RGS6: variants seen among roughly 807,000 people sequenced by gnomAD.
RGS6 encodes the protein regulator of G-protein signaling 6.
Under a neutral mutation model 78.5 loss-of-function variants are expected in RGS6, and 30 were observed. The observed-to-expected ratio is 0.38, with a 90% confidence interval of 0.29 to 0.52. The LOEUF (loss-of-function observed/expected upper bound fraction) is 0.52. Among genes scored for constraint, RGS6 ranks in the 20% least tolerant of loss-of-function variants. The pLI, the probability that RGS6 is intolerant of heterozygous loss-of-function variation, is 0.85. For synonymous variants in RGS6, 206 were observed against 206.0 expected, an observed-to-expected ratio of 1.00 and a Z score of 0.00; for missense variants, 495 against 609.7, an observed-to-expected ratio of 0.81 and a Z score of 1.98.
chr14:72,162,917 A>G (rs1192989221), intron 2 of RGS6, among the ~76,000 whole-genome samples: 2 of 152,242 alleles, frequency 1.3e-5, no homozygotes, highest in Non-Finnish European at 2.9e-5. Context: ...ATGGAACTGG[A>G]GACCATTATT....
chr14:72,254,045 A>G (rs2056501068), intron 2 of RGS6, among the ~76,000 whole-genome samples: 1 of 152,162 alleles, frequency 6.6e-6, no homozygotes, highest in Non-Finnish European at 1.5e-5. Flanking sequence ...TGATGTTTTG[A>G]TTATCATGCA....
At chr14:71,886,391 G>A in the RGS6 span, among the ~76,000 whole-genome samples, 30 of 152,312 alleles carry the variant, frequency 2.0e-4, no homozygotes, top group African/African-American at 6.7e-4. Flanking sequence ...TTGCACAGTA[G>A]GCAATCAATT....
intron 2 of RGS6, among the ~76,000 whole-genome samples, chr14:72,315,718 C>T (rs2069970213): frequency 6.6e-6 from 1 of 152,136 alleles, no homozygotes; most frequent in Admixed American, 6.5e-5. Flanking sequence ...CTCGCCCAGC[C>T]CTGTAGGGTT....
chr14:72,515,244 T>TCCCTCCCTTTCTCTC (rs2153455336), intron 14 of RGS6, among the ~76,000 whole-genome samples: 1 of 149,692 alleles, frequency 6.7e-6, no homozygotes, highest in Non-Finnish European at 1.5e-5. Flanking sequence ...TCCCCCTCCT[T>TCCCTCCCTTTCTCTC]CCCTCCCTTT....
At chr14:71,907,886 A>AC in the RGS6 span, among the ~76,000 whole-genome samples, 1 of 152,190 alleles carries the variant, frequency 6.6e-6, no homozygotes, top group African/African-American at 2.4e-5. Flanking sequence ...AAGGTAGCAT[A>AC]CCCATTGGTG....
chr14:72,091,705 G>T (rs550172974), intron 2 of RGS6, among the ~76,000 whole-genome samples: 9 of 152,304 alleles, frequency 5.9e-5, no homozygotes, highest in African/African-American at 2.2e-4. Context: ...CAGGAGAGCA[G>T]AGGTGGAGAG....
chr14:72,343,608 A>C (rs1301430158), intron 2 of RGS6, among the ~76,000 whole-genome samples: 1 of 148,670 alleles, frequency 6.7e-6, no homozygotes, highest in African/African-American at 2.5e-5. Flanking sequence ...TGTGTATTAA[A>C]CTTTGATGCT....
At chr14:72,502,331 C>T (rs2096737314) in intron 13 of RGS6, among the ~76,000 whole-genome samples, 2 of 152,230 alleles carry the variant, frequency 1.3e-5, no homozygotes, top group African/African-American at 4.8e-5. Context: ...AATGACCCCA[C>T]CTCCAGCTGC....
chr14:72,367,890 G>T (rs2082731819), intron 3 of RGS6, among the ~76,000 whole-genome samples: 1 of 152,156 alleles, frequency 6.6e-6, no homozygotes, highest in Admixed American at 6.6e-5. Flanking sequence ...AATGATATTT[G>T]TAGTCCATTC....
At chr14:72,125,794 T>G (rs2096176157) in intron 2 of RGS6, among the ~76,000 whole-genome samples, 2 of 152,158 alleles carry the variant, frequency 1.3e-5, no homozygotes, top group African/African-American at 4.8e-5. Flanking sequence ...GTGGAGTTTT[T>G]GTCCTCTGAT....
At chr14:72,394,842 G>A (rs2090820653) in intron 3 of RGS6, among the ~76,000 whole-genome samples, 2 of 152,164 alleles carry the variant, frequency 1.3e-5, no homozygotes, top group Admixed American at 1.3e-4. Flanking sequence ...TATTGATTGG[G>A]GAAGTGATAA....
intron 2 of RGS6, among the ~76,000 whole-genome samples, chr14:72,005,943 A>G (rs561371548): frequency 1.3e-5 from 2 of 152,016 alleles, no homozygotes; most frequent in African/African-American, 4.8e-5. Flanking sequence ...ATCATCTACC[A>G]TTATGCTTTT....
chr14:72,063,577 G>A (rs548236903), intron 2 of RGS6, among the ~76,000 whole-genome samples: 2 of 152,260 alleles, frequency 1.3e-5, no homozygotes, highest in African/African-American at 4.8e-5. Context: ...AGGATGTGAA[G>A]TCAGAAAAAT....
At chr14:72,403,697 T>C (rs1244826630) in intron 3 of RGS6, among the ~76,000 whole-genome samples, 1 of 152,180 alleles carries the variant, frequency 6.6e-6, no homozygotes, top group Non-Finnish European at 1.5e-5. Context: ...AAAATACCAC[T>C]CTATACCCTA....
chr14:72,625,090 T>C, the RGS6 span, among the ~76,000 whole-genome samples: 4 of 152,278 alleles, frequency 2.6e-5, no homozygotes, highest in Non-Finnish European at 5.9e-5. Flanking sequence ...AATAGGATAT[T>C]TGAGATTATG....
chr14:72,278,980 T>C (rs2061151049), intron 2 of RGS6, among the ~76,000 whole-genome samples: 1 of 152,106 alleles, frequency 6.6e-6, no homozygotes. Context: ...GAACAGGCTC[T>C]CCAGTGTCTT....
intron 2 of RGS6, among the ~76,000 whole-genome samples, chr14:72,173,327 CCA>C (rs915060555): frequency 6.6e-6 from 1 of 152,076 alleles, no homozygotes; most frequent in African/African-American, 2.4e-5. Context: ...ACCTCTAGAA[CCA>C]CACTCCCCAG....
chr14:72,478,924 A>G (rs1337826914), intron 12 of RGS6, among the ~76,000 whole-genome samples: 1 of 152,132 alleles, frequency 6.6e-6, no homozygotes, highest in East Asian at 1.9e-4. Flanking sequence ...TTATCAACTA[A>G]ATGGTCTGTT....
chr14:72,045,907 G>A lies in RGS6; in HGVS notation c.84+81032G>A, dbSNP rs142002240. 6.1e-4 allele frequency among the ~76,000 whole-genome samples: 92 copies of A among 152,012 alleles called. 1 individual carries two copies. Among genetic ancestry groups the A allele is most frequent in the Middle Eastern group, 3.4e-3 (1 of 294 alleles). On this transcript the variant is annotated intron_variant, in intron 2 of 17. Coordinates refer to ENST00000553525, the MANE Select transcript of RGS6 (RefSeq NM_001204424.2). ...GGATGGAATATTTGTGTCCCCCCAC[G>A]CCCCCGCACCCCGCCAAGTTTATAT...
Sources: allele counts gnomAD v4.1 joint callset (sites outside exome capture counted in the v4.1 genomes callset), GRCh38; gene constraint gnomAD v4.1.1; transcripts MANE v1.5; gene names NCBI Gene and HGNC (gene_info 2026-07-23, HGNC 2026-07-21).